Variants in AOPEP observed in about 807,000 individuals in gnomAD.
AOPEP encodes aminopeptidase O.
Under a neutral mutation model 98.1 loss-of-function variants are expected in AOPEP, and 77 were observed. That is an observed-to-expected ratio of 0.78 (90% CI 0.65 to 0.95). The LOEUF is 0.95. Among genes scored for constraint, AOPEP ranks in the 40% least tolerant of loss-of-function variants. The pLI is 0.00. For synonymous variants in AOPEP, 346 were observed against 365.3 expected, an observed-to-expected ratio of 0.95 and a Z score of 0.60; for missense variants, 1,024 against 1,024.7, an observed-to-expected ratio of 1.00 and a Z score of 0.01.
intron 5 of AOPEP, among the ~76,000 whole-genome samples, chr9:94,816,947 T>C (rs1363423939): frequency 1.3e-5 from 2 of 152,310 alleles, no homozygotes; most frequent in South Asian, 2.1e-4. Flanking sequence ...AAAGATCTAA[T>C]TGCAAAATGG....
At chr9:95,086,145 T>C (rs897758028) in intron 16 of AOPEP, 3 of 1,354,076 alleles carry the variant, frequency 2.2e-6, no homozygotes, top group Admixed American at 2.0e-5. Context: ...TCAGGAGAGC[T>C]GGGGCTCCCA....
intron 11 of AOPEP, among the ~76,000 whole-genome samples, chr9:95,002,761 C>T (rs1041171045): frequency 1.3e-5 from 2 of 152,148 alleles, no homozygotes; most frequent in Non-Finnish European, 2.9e-5. Flanking sequence ...TGGGCTACCA[C>T]GCAAAGAAGA....
In AOPEP at chr9:94,846,256, A is replaced by G. The variant is rs1277765977; in HGVS notation, c.1364+45254A>G. Among the ~76,000 whole-genome samples, 5 of 152,130 alleles carry G rather than the reference A, an allele frequency of 3.3e-5. No individual in the cohort carries two copies. In the East Asian group the frequency reaches 9.7e-4, roughly 29 times the overall value. On this transcript the variant is annotated intron_variant, in intron 5 of 16. Coordinates refer to ENST00000375315, the MANE Select transcript of AOPEP (RefSeq NM_001193329.3). ...AAGCACAACGTGGAAGGAGGTGGAA[A>G]GAAGATCAGTGGTGTGCGGACTGAG... is the stretch of plus-strand genomic sequence containing the variant.
At chr9:94,776,578 A>G (rs1842148780) in intron 3 of AOPEP, among the ~76,000 whole-genome samples, 2 of 152,232 alleles carry the variant, frequency 1.3e-5, no homozygotes, top group Admixed American at 1.3e-4. Context: ...CTAAGATTAC[A>G]GGCATGAGCC....
the AOPEP span, among the ~76,000 whole-genome samples, chr9:95,137,778 G>A: frequency 3.3e-5 from 5 of 152,208 alleles, no homozygotes; most frequent in Non-Finnish European, 7.3e-5. Flanking sequence ...AGGGGAGGAG[G>A]AGCAGCTGCA....
At position 94,961,662 on chromosome 9, in the gene AOPEP, C is replaced by G. The variant is rs544893231; in HGVS notation, c.1872+5647C>G. Among the ~76,000 whole-genome samples, 11 of 152,216 alleles carry G rather than the reference C, an allele frequency of 7.2e-5. No homozygotes were observed. In the South Asian group the frequency reaches 2.3e-3, roughly 32 times the overall value. On this transcript the variant is annotated intron_variant, in intron 9 of 16. Transcript: ENST00000375315. ...TCATTTTGTTGTTTTGTCAACTTAT[C>G]TTTGAGCTTTCATTTTACCAAATTT...
chr9:95,075,036 C>G (rs1333639988), intron 14 of AOPEP, among the ~76,000 whole-genome samples: 1 of 152,184 alleles, frequency 6.6e-6, no homozygotes, highest in Non-Finnish European at 1.5e-5. Context: ...GTCCCTGTTT[C>G]CCTTCTGCCG....
intron 14 of AOPEP, among the ~76,000 whole-genome samples, chr9:95,066,586 GGT>G (rs2067915915): frequency 6.6e-6 from 1 of 152,094 alleles, no homozygotes; most frequent in Admixed American, 6.5e-5. Context: ...AAAAGCCACT[GGT>G]TGCAGAGTGT....
chr9:94,909,346 TAAAAAAAAAAAA>T (rs3052031), intron 5 of AOPEP, among the ~76,000 whole-genome samples: 5 of 82,042 alleles, frequency 6.1e-5, no homozygotes, highest in Admixed American at 4.7e-4. Flanking sequence ...TTTGGAGCCT[TAAAAAAAAAAAA>T]AAAAAAAAAA....
intron 7 of AOPEP, among the ~76,000 whole-genome samples, chr9:94,940,346 C>T (rs1424148664): frequency 6.6e-6 from 1 of 152,182 alleles, no homozygotes; most frequent in Non-Finnish European, 1.5e-5. Context: ...TGGCTCATGC[C>T]TGTAATCTCA....
intron 5 of AOPEP, among the ~76,000 whole-genome samples, chr9:94,884,494 CTT>C (rs2047951369): frequency 6.6e-6 from 1 of 152,146 alleles, no homozygotes; most frequent in African/African-American, 2.4e-5. Context: ...CCAGGAAAGA[CTT>C]GGGATATAAA....
the AOPEP span, among the ~76,000 whole-genome samples, chr9:95,143,948 A>C: frequency 2.0e-5 from 3 of 152,252 alleles, no homozygotes; most frequent in Non-Finnish European, 2.9e-5. Flanking sequence ...AAAGACAGGC[A>C]GACCACTGCT....
chr9:94,865,049 C>CT (rs746735768), intron 5 of AOPEP, among the ~76,000 whole-genome samples: 2 of 152,166 alleles, frequency 1.3e-5, no homozygotes, highest in Non-Finnish European at 2.9e-5. Context: ...GTGTCTAACA[C>CT]TAATTTTCAG....
chr9:94,910,203 TCTC>T (rs2051815217), intron 5 of AOPEP, among the ~76,000 whole-genome samples: 1 of 152,142 alleles, frequency 6.6e-6, no homozygotes, highest in Admixed American at 6.5e-5. Context: ...AGCAGCCGGT[TCTC>T]CTTCCCAGAG....
chr9:94,937,998 C>G (rs1359113439), intron 7 of AOPEP, among the ~76,000 whole-genome samples: 1 of 152,106 alleles, frequency 6.6e-6, no homozygotes, highest in Non-Finnish European at 1.5e-5. Flanking sequence ...CTCAGCCTCC[C>G]GAGTAGCTGG....
chr9:95,112,855 C>G, the AOPEP span, among the ~76,000 whole-genome samples: 49 of 152,380 alleles, frequency 3.2e-4, no homozygotes, highest in East Asian at 8.9e-3. Flanking sequence ...GGTCTAAGTC[C>G]TGTTCTGCAG....
chr9:95,131,887 C>T, the AOPEP span, among the ~76,000 whole-genome samples: 34 of 152,040 alleles, frequency 2.2e-4, no homozygotes, highest in African/African-American at 8.2e-4. Context: ...ACAATTGCTA[C>T]CTGGAGAATG....
intron 2 of AOPEP, among the ~76,000 whole-genome samples, chr9:94,767,915 A>G (rs572891938): frequency 2.0e-4 from 31 of 152,332 alleles, no homozygotes; most frequent in African/African-American, 6.5e-4. Flanking sequence ...GAAGAGGTGC[A>G]TGTGTGTGTA....
intron 5 of AOPEP, among the ~76,000 whole-genome samples, chr9:94,908,676 A>G (rs571308208): frequency 6.6e-6 from 1 of 152,126 alleles, no homozygotes; most frequent in South Asian, 2.1e-4. Context: ...GAGAGGGGAA[A>G]CCAGACCTCC....
Sources: allele counts gnomAD v4.1 joint callset (sites outside exome capture counted in the v4.1 genomes callset), GRCh38; gene constraint gnomAD v4.1.1; transcripts MANE v1.5; gene names NCBI Gene and HGNC (gene_info 2026-07-23, HGNC 2026-07-21).